Variants in EOGT observed in about 807,000 individuals in gnomAD.
EOGT encodes the protein EGF domain-specific O-linked N-acetylglucosamine transferase.
EOGT carries 55 observed loss-of-function variants against 70.5 expected under a neutral mutation model. The ratio of observed to expected loss-of-function variants is 0.78; its 90% CI spans 0.63 to 0.98. The LOEUF is 0.98. Among genes scored for constraint, EOGT ranks in the 50% least tolerant of loss-of-function variants. EOGT has a pLI of 0.00. For missense variants in EOGT, 703 were observed against 641.9 expected (o/e 1.10, Z -1.03); for synonymous variants, 246 against 217.1 (o/e 1.13, Z -1.17).
Position 68,988,510 on chromosome 3 carries a change from G to A in EOGT, c.992C>T (p.Pro331Leu). The A allele has an allele frequency of 6.5e-7, 1 of 1,530,712 alleles. No homozygotes were observed. Among genetic ancestry groups the A allele is most frequent in the South Asian group, 1.2e-5 (1 of 83,808 alleles). The allele number at this position is 1,530,712 out of a possible 1,614,324, so 94.8% of individuals were successfully genotyped here. Residue 331 changes from proline to leucine, a missense_variant, in exon 12 of 18, where the codon CCT becomes CTT. By Grantham distance (98) the Pro-to-Leu change is moderately conservative. Transcript: ENST00000383701. ...RMRYGLFYNT[P>L]LISGCQNTGL... ...AATGGTAGACAATGTGCTTACCAGA[G>A]GAGTATTATAGAACAGCCCATACCT...
intron 15 of EOGT, among the ~76,000 whole-genome samples, chr3:68,981,114 G>A (rs1559586443): frequency 6.6e-6 from 1 of 152,144 alleles, no homozygotes. Context: ...CTGTAAAATG[G>A]GACTAGCTGG....
intron 5 of EOGT, 82 bp downstream of exon 5, chr3:69,008,346 A>T: frequency 6.1e-6 from 6 of 977,142 alleles, no homozygotes; most frequent in Non-Finnish European, 9.6e-6. Flanking sequence ...AAACCAAAAG[A>T]ATCTAGCTGG....
chr3:69,005,009 C>T, intron 7 of EOGT, 131 bp downstream of exon 7: 1 of 596,472 alleles, frequency 1.7e-6, no homozygotes, highest in Non-Finnish European at 2.9e-6. Flanking sequence ...CTGCACTGAG[C>T]CATGATTACA....
chr3:68,997,058 C>G lies in EOGT; in HGVS notation c.831+953G>C, dbSNP rs1179420957. Among the ~76,000 whole-genome samples, 3 of 152,098 alleles carry G rather than the reference C, an allele frequency of 2.0e-5. No homozygotes were observed. In the South Asian group the frequency reaches 6.2e-4, roughly 32 times the overall value. On this transcript the variant is annotated intron_variant, in intron 10 of 17. Transcript: ENST00000383701. Reference sequence around the variant, plus strand: ...CAGAGCTGAAGATTCTGGGGCACATCTTGGGGTTTCCTCAGCAAGTGGAGG... The same window carrying G: ...CAGAGCTGAAGATTCTGGGGCACATGTTGGGGTTTCCTCAGCAAGTGGAGG...
At chr3:68,984,205 C>CCTCTCTCT (rs61194778) in intron 14 of EOGT, among the ~76,000 whole-genome samples, 1 of 149,802 alleles carries the variant, frequency 6.7e-6, no homozygotes, top group Non-Finnish European at 1.5e-5. Context: ...AATCCCCTCC[C>CCTCTCTCT]CTCTCTCTCT....
In EOGT at chr3:69,005,231, C is replaced by T; in HGVS notation, c.424G>A (p.Asp142Asn). The change falls in exon 7 of 18, where the codon GAC becomes AAC. Residue 142 changes from aspartate (D) to asparagine (N), a missense_variant. Transcript: ENST00000383701. ...TAACGGGAACACACCAGACTTGAGT[C>T]ACTCTGAAGGTTGAGCAAAAGAAAA... ...HVLCQPKETS[D>N]SSLVCSRYLQ... The T allele has an allele frequency of 6.3e-7, 1 of 1,576,540 alleles. No homozygotes were observed. The highest frequency in any genetic ancestry group is 8.7e-7 in the Non-Finnish European group (1 of 1,148,948).
intron 14 of EOGT, among the ~76,000 whole-genome samples, chr3:68,984,990 T>C (rs1288126610): frequency 1.3e-5 from 2 of 152,164 alleles, no homozygotes; most frequent in African/African-American, 2.4e-5. Context: ...CGGGTGACCT[T>C]AGGCATGTTT....
At chr3:68,981,335 G>C (rs1013321046) in intron 15 of EOGT, among the ~76,000 whole-genome samples, 3 of 152,158 alleles carry the variant, frequency 2.0e-5, no homozygotes, top group African/African-American at 2.4e-5. Context: ...GAGATTTATT[G>C]CACAAATGAA....
chr3:69,000,318 G>C (rs1366200036), intron 9 of EOGT, among the ~76,000 whole-genome samples: 1 of 152,158 alleles, frequency 6.6e-6, no homozygotes, highest in Non-Finnish European at 1.5e-5. Context: ...GTCTACTCTA[G>C]CCTATTATTC....
chr3:68,985,231 T>C (rs1267602800), intron 14 of EOGT, among the ~76,000 whole-genome samples: 1 of 152,178 alleles, frequency 6.6e-6, no homozygotes, highest in Non-Finnish European at 1.5e-5. Flanking sequence ...ATTTGATACG[T>C]TCGTATTTCT....
intron 17 of EOGT, 21 bp from the exon 18 acceptor site, chr3:68,977,785 A>T (rs1251028834): frequency 6.2e-7 from 1 of 1,602,768 alleles, no homozygotes; most frequent in Admixed American, 1.7e-5. Flanking sequence ...AAACCAAAAC[A>T]CGAATCCATA....
chr3:68,992,846 C>A (rs540206434), intron 10 of EOGT, among the ~76,000 whole-genome samples: 1 of 152,184 alleles, frequency 6.6e-6, no homozygotes, highest in South Asian at 2.1e-4. Context: ...TTCTGTGCAC[C>A]GCAGGCTCAA....
chr3:68,985,057 T>TAC (rs1435297143), intron 14 of EOGT, among the ~76,000 whole-genome samples: 16 of 152,234 alleles, frequency 1.1e-4, no homozygotes, highest in Admixed American at 1.3e-4. Context: ...ATACAATACC[T>TAC]ACCTCATGGG....
rs748962984 is a variant in EOGT at position 69,001,688 on chromosome 3, T to C, written c.647A>G (p.Gln216Arg). 24 of 1,611,426 alleles carry C rather than the reference T, an allele frequency of 1.5e-5. No homozygotes were observed. The highest frequency in any genetic ancestry group is 4.5e-5 in the East Asian group (2 of 44,796). Reference sequence around the variant, plus strand: ...ATCTTCTATAGGTCTGAAGTTGAGCTGAGTATAGCTTTGTAGCTCAGCAAA... The same window carrying C: ...ATCTTCTATAGGTCTGAAGTTGAGCCGAGTATAGCTTTGTAGCTCAGCAAA... ...SWFAELQSYT[Q>R]LNFRPIEDAK... The change falls in exon 9 of 18, where the codon CAG (glutamine) becomes CGG (arginine). Residue 216 changes from glutamine to arginine, a missense_variant. Physicochemically the swap from Gln to Arg is conservative, Grantham distance 43. Transcript: ENST00000383701.
At chr3:68,987,314 C>T (rs1424805815) in intron 14 of EOGT, 131 bp downstream of exon 14, 1 of 698,978 alleles carries the variant, frequency 1.4e-6, no homozygotes, top group Non-Finnish European at 2.5e-6. Flanking sequence ...ATAAACCGGG[C>T]ATAGGCCATC....
intron 7 of EOGT, 60 bp from the exon 8 acceptor site, chr3:69,004,542 G>A (rs2091390022): frequency 3.6e-6 from 4 of 1,114,488 alleles, no homozygotes; most frequent in Non-Finnish European, 5.4e-6. Flanking sequence ...CCAAGCACGT[G>A]GGTTGTAACT....
chr3:68,979,947 C>G (rs12495473), intron 15 of EOGT, among the ~76,000 whole-genome samples, 160 bp from the exon 16 acceptor site: 1 of 152,024 alleles, frequency 6.6e-6, no homozygotes, highest in South Asian at 2.1e-4. Flanking sequence ...CAAGTGCGCT[C>G]TAGTAATTAA....
intron 8 of EOGT, among the ~76,000 whole-genome samples, chr3:69,003,570 C>T (rs1159674843): frequency 6.6e-6 from 1 of 152,296 alleles, no homozygotes; most frequent in Admixed American, 6.5e-5. Flanking sequence ...ACCATGAGTC[C>T]ATTAAACCTC....
intron 7 of EOGT, 118 bp downstream of exon 7, chr3:69,005,022 G>A (rs978691409): frequency 2.1e-5 from 13 of 615,706 alleles, no homozygotes; most frequent in South Asian, 6.2e-5. Context: ...TGATTACACC[G>A]CTGCACTCCA....
Sources: gnomAD v4.1 joint callset for allele counts (sites outside exome capture counted in the v4.1 genomes callset) on GRCh38, gnomAD v4.1.1 for gene constraint, MANE v1.5 for transcripts, NCBI Gene and HGNC (gene_info 2026-07-23, HGNC 2026-07-21) for gene names.